The following IQSEC1 variants were observed in gnomAD, a reference collection of about 807,000 sequenced individuals.
The protein encoded by IQSEC1 is IQ motif and SEC7 domain-containing protein 1.
A neutral mutation model predicts 91.0 loss-of-function variants in IQSEC1; 31 were observed. That is an observed-to-expected ratio of 0.34 (90% CI 0.26 to 0.46). The LOEUF (loss-of-function observed/expected upper bound fraction) is 0.46. Among genes scored for constraint, IQSEC1 ranks in the 20% least tolerant of loss-of-function variants. The pLI, the probability that IQSEC1 is intolerant of heterozygous loss-of-function variation, is 1.00. For synonymous variants in IQSEC1, 699 were observed against 662.6 expected, an observed-to-expected ratio of 1.05 and a Z score of -0.84; for missense variants, 1,388 against 1,575.6, an observed-to-expected ratio of 0.88 and a Z score of 2.02.
chr3:12,915,520 G>C, intron 7 of IQSEC1, 74 bp downstream of exon 7: 1 of 1,518,490 alleles, frequency 6.6e-7, no homozygotes, highest in East Asian at 2.3e-5. Context: ...GGGTGGGTGG[G>C]AGTGAGAAGG....
At position 13,035,920 on chromosome 3, in the gene IQSEC1, G is replaced by A. The variant is rs953201738; in HGVS notation, c.23+37072C>T. The stretch of plus-strand genomic sequence containing the variant: ...TGTTTTGAGGACGCCCAGGCCACAT[G>A]GAGAGTCCCGTGCAGGTGTTTTGGC... On this transcript the variant is annotated intron_variant, in intron 1 of 13. Transcript: ENST00000613206. 2.0e-5 allele frequency among the ~76,000 whole-genome samples: 3 copies of A among 152,198 alleles called. No homozygotes were observed. In the East Asian group the frequency reaches 5.8e-4, roughly 29 times the overall value.
chr3:13,018,364 G>A (rs1703242326), intron 1 of IQSEC1, among the ~76,000 whole-genome samples: 1 of 152,228 alleles, frequency 6.6e-6, no homozygotes, highest in Non-Finnish European at 1.5e-5. Context: ...GGCAGGGCCA[G>A]GGCAGCCAAG....
At chr3:12,982,026 G>C (rs1283217647) in intron 1 of IQSEC1, among the ~76,000 whole-genome samples, 1 of 152,236 alleles carries the variant, frequency 6.6e-6, no homozygotes, top group African/African-American at 2.4e-5. Context: ...GCTGGATTTG[G>C]GGCTTCCTGT....
intron 1 of IQSEC1, among the ~76,000 whole-genome samples, chr3:12,966,396 G>A (rs1370711987): frequency 6.6e-6 from 1 of 152,200 alleles, no homozygotes; most frequent in African/African-American, 2.4e-5. Context: ...TCCTCCAGAG[G>A]GGGCCTGACA....
chr3:13,023,536 C>T (rs865925719), intron 1 of IQSEC1, among the ~76,000 whole-genome samples: 40 of 152,254 alleles, frequency 2.6e-4, no homozygotes, highest in African/African-American at 8.4e-4. Flanking sequence ...TCCATTTCAC[C>T]GGGGGAAACT....
At chr3:13,040,637 G>C (rs573554526) in intron 1 of IQSEC1, among the ~76,000 whole-genome samples, 2 of 152,150 alleles carry the variant, frequency 1.3e-5, no homozygotes, top group Admixed American at 1.3e-4. Context: ...CCCAGGCTCC[G>C]GTCCTGAGCC....
At chr3:13,099,901 G>C (rs1461597666) in intron 2 of IQSEC1, among the ~76,000 whole-genome samples, 2 of 152,244 alleles carry the variant, frequency 1.3e-5, no homozygotes, top group African/African-American at 4.8e-5. Flanking sequence ...TGCCTGGTGT[G>C]ATCCAGGAAC....
Position 12,900,269 on chromosome 3 carries a change from ACTT to A in IQSEC1, c.*711_*713del, listed in dbSNP as rs1434144327. On this transcript the variant is annotated 3_prime_UTR_variant, in exon 14 of 14. Transcript: ENST00000613206. ...AAAGATTTTAGCCAGTCCTAGAGGG[ACTT>A]CTTTGTATGAAAATATGAAGTATCT... The A allele has an allele frequency of 4.1e-6, 4 of 984,864 alleles. No homozygotes were observed. The highest frequency in any genetic ancestry group is 1.7e-5 in the African/African-American group (1 of 57,144). The allele number at this position is 984,864 out of a possible 1,614,324, so 61.0% of individuals were successfully genotyped here.
intron 1 of IQSEC1, among the ~76,000 whole-genome samples, chr3:13,243,412 T>C (rs899689206): frequency 6.6e-6 from 1 of 152,164 alleles, no homozygotes; most frequent in African/African-American, 2.4e-5. Context: ...GGCCACAAGC[T>C]GCCTTTGCCA....
chr3:13,069,469 T>C lies in IQSEC1; in HGVS notation c.23+3523A>G, dbSNP rs557811823. ...TGTCTAGGGGAGACCCACCAGGGCT[T>C]CGCTTCCTTCATGAAGGCCCCACTG... On this transcript the variant is annotated intron_variant, in intron 1 of 13. Coordinates refer to ENST00000613206, the MANE Select transcript of IQSEC1 (RefSeq NM_001134382.3). Among the ~76,000 whole-genome samples, 20 of 152,282 alleles carry C rather than the reference T, an allele frequency of 1.3e-4. 1 individual carries two copies. The highest frequency in any genetic ancestry group is 4.8e-4 in the African/African-American group (20 of 41,548).
At chr3:13,093,885 G>A (rs1021761676) in intron 2 of IQSEC1, among the ~76,000 whole-genome samples, 5 of 152,208 alleles carry the variant, frequency 3.3e-5, no homozygotes, top group Admixed American at 6.5e-5. Flanking sequence ...GCCAATCAGA[G>A]CATAAATCCC....
Position 13,163,540 on chromosome 3 carries a change from T to C in IQSEC1, c.302+564A>G, listed in dbSNP as rs763691420. On this transcript the variant is annotated intron_variant, in intron 2 of 15. Transcript: ENST00000648114. ...TGGGGCACTGACACCCCAGGTACTGTCTCAGACCAGACCCTCTTCTAGGTT... is the reference window on the plus strand; with the variant it reads ...TGGGGCACTGACACCCCAGGTACTGCCTCAGACCAGACCCTCTTCTAGGTT... Among the ~76,000 whole-genome samples, 402 of 151,768 alleles carry C rather than the reference T, an allele frequency of 2.6e-3. 1 individual carries two copies. Among genetic ancestry groups the C allele is most frequent in the Non-Finnish European group, 4.5e-3 (305 of 67,950 alleles).
At chr3:13,047,348 G>A in intron 1 of IQSEC1, 1 of 292,984 alleles carries the variant, frequency 3.4e-6, no homozygotes, top group Non-Finnish European at 5.1e-6. Flanking sequence ...GGCCCTTGGG[G>A]GAATTTCAGG....
At chr3:13,016,959 TAG>T (rs1455176029) in intron 1 of IQSEC1, among the ~76,000 whole-genome samples, 3 of 152,210 alleles carry the variant, frequency 2.0e-5, no homozygotes, top group Non-Finnish European at 1.5e-5. Flanking sequence ...GGACATTTCC[TAG>T]AAACGGGACC....
In IQSEC1 at chr3:12,977,968, T is replaced by C. The variant is rs113482104; in HGVS notation, c.24-36103A>G. ...TGTGTGCATTCCTGAATGTGCTCAA[T>C]AACTTCCCAGCATACCTTCCCACCT... On this transcript the variant is annotated intron_variant, in intron 1 of 13. Transcript: ENST00000613206. 6.8e-3 allele frequency among the ~76,000 whole-genome samples: 1,032 copies of C among 152,328 alleles called. 16 individuals are homozygous for C. Among genetic ancestry groups the C allele is most frequent in the African/African-American group, 0.023 (975 of 41,568 alleles).
intron 2 of IQSEC1, among the ~76,000 whole-genome samples, chr3:13,140,531 G>A (rs1236164165): frequency 6.6e-6 from 1 of 152,180 alleles, no homozygotes; most frequent in Non-Finnish European, 1.5e-5. Context: ...AGTATGAACT[G>A]GGCAAGAGGG....
At chr3:13,028,119 G>C (rs1703691870) in intron 1 of IQSEC1, among the ~76,000 whole-genome samples, 1 of 152,160 alleles carries the variant, frequency 6.6e-6, no homozygotes, top group African/African-American at 2.4e-5. Flanking sequence ...TCCCAGACTG[G>C]AAGTGACAGG....
intron 8 of IQSEC1, among the ~76,000 whole-genome samples, chr3:12,913,770 G>A (rs375623161): frequency 1.8e-4 from 28 of 152,312 alleles, no homozygotes; most frequent in East Asian, 9.6e-4. Flanking sequence ...TTAAAATCCC[G>A]TATCTCTGCT....
intron 1 of IQSEC1, among the ~76,000 whole-genome samples, chr3:12,954,175 C>T (rs1257588875): frequency 1.3e-5 from 2 of 152,200 alleles, no homozygotes. Context: ...ATAAAGAGTA[C>T]CGTCAGCCTG....
Sources: allele counts gnomAD v4.1 joint callset (sites outside exome capture counted in the v4.1 genomes callset), GRCh38; gene constraint gnomAD v4.1.1; transcripts MANE v1.5; gene names NCBI Gene and HGNC (gene_info 2026-07-23, HGNC 2026-07-21).